The following DIAPH2 variants were observed in gnomAD, a reference collection of about 807,000 sequenced individuals.
The protein encoded by DIAPH2 is protein diaphanous homolog 2.
Under a neutral mutation model 92.7 loss-of-function variants are expected in DIAPH2, and 35 were observed. The observed-to-expected ratio is 0.38, with a 90% confidence interval of 0.29 to 0.50. The LOEUF (loss-of-function observed/expected upper bound fraction) is 0.50, where lower values mean the gene tolerates loss of function less well. DIAPH2 is among the 20% of genes least tolerant of loss of function. The pLI is 0.94. For missense variants in DIAPH2, 701 were observed against 819.5 expected (o/e 0.86, Z 1.77); for synonymous variants, 301 against 280.4 (o/e 1.07, Z -0.73).
At chrX:97,530,448 A>G (rs776361898) in intron 26 of DIAPH2, among the ~76,000 whole-genome samples, 96 of 111,801 alleles carry the variant, frequency 8.6e-4, no homozygotes, top group Middle Eastern at 9.2e-3. Context: ...TATAGACTGA[A>G]CTTTTGAAAG....
At chrX:97,005,046 A>G (rs1188448116) in intron 17 of DIAPH2, among the ~76,000 whole-genome samples, 1 of 112,137 alleles carries the variant, frequency 8.9e-6, no homozygotes, top group Non-Finnish European at 1.9e-5. Flanking sequence ...CCTATTCAGC[A>G]TCAATTGAAA....
Position 97,425,529 on chromosome X carries a change from C to A in DIAPH2, c.3146-4121C>A, listed in dbSNP as rs777923795. 6.3e-5 allele frequency among the ~76,000 whole-genome samples: 7 copies of A among 110,706 alleles called. No homozygotes were observed. The East Asian group carries it at 2.0e-3, about 31-fold the overall frequency. ...GTGGCTCATGCCTGTGATCCTAGCACCTTGGGAGGCTGAGGTTGGCTGATC... is the reference window on the plus strand; with the variant it reads ...GTGGCTCATGCCTGTGATCCTAGCAACTTGGGAGGCTGAGGTTGGCTGATC... On this transcript the variant is annotated intron_variant, in intron 25 of 26. Transcript: ENST00000324765.
chrX:96,872,616 C>T (rs781580145), intron 4 of DIAPH2, among the ~76,000 whole-genome samples: 3 of 108,329 alleles, frequency 2.8e-5, no homozygotes, highest in South Asian at 4.2e-4. Context: ...CTCAGCCTCC[C>T]GAGTATCTGG....
intron 4 of DIAPH2, among the ~76,000 whole-genome samples, chrX:96,796,607 T>G (rs1178955364): frequency 1.8e-5 from 2 of 112,081 alleles, no homozygotes; most frequent in Non-Finnish European, 3.8e-5. Context: ...GCTCTTTGTT[T>G]AGTTTTCAGT....
intron 5 of DIAPH2, chrX:96,884,399 C>A: frequency 8.3e-7 from 1 of 1,209,895 alleles, no homozygotes; most frequent in African/African-American, 1.7e-5. Flanking sequence ...GAGAGAGATG[C>A]AACTCCTGCT....
intron 22 of DIAPH2, among the ~76,000 whole-genome samples, chrX:97,230,076 G>T (rs1443123762): frequency 1.8e-5 from 2 of 109,985 alleles, no homozygotes; most frequent in Non-Finnish European, 3.8e-5. Context: ...AGGAAGAGCT[G>T]TCATCTTGCT....
intron 1 of DIAPH2, among the ~76,000 whole-genome samples, chrX:96,720,406 A>G (rs1295548052): frequency 9.0e-6 from 1 of 111,708 alleles, no homozygotes; most frequent in Non-Finnish European, 1.9e-5. Flanking sequence ...TTTATTACTT[A>G]CACTCGAAGA....
At chrX:97,289,129 G>A (rs148962864) in intron 23 of DIAPH2, among the ~76,000 whole-genome samples, 359 of 111,425 alleles carry the variant, frequency 3.2e-3, no homozygotes, top group Non-Finnish European at 5.6e-3. Context: ...CATTCAGCAA[G>A]GGTACAGAAA....
chrX:96,941,872 T>C, intron 12 of DIAPH2, 146 bp from the exon 13 acceptor site: 1 of 433,577 alleles, frequency 2.3e-6, no homozygotes, highest in Non-Finnish European at 4.1e-6. Context: ...TAGGCATGCT[T>C]GTCCTAAGAA....
At position 97,369,584 on chromosome X, in the gene DIAPH2, TTA is replaced by T. The variant is rs746043167; in HGVS notation, c.3010-14311_3010-14310del. On this transcript the variant is annotated intron_variant, in intron 24 of 26. Transcript: ENST00000324765. ...TCGGTTTCCATTCATTTTTGATGTT[TTA>T]TATATATATATATTTCTCTACATAT... Among the ~76,000 whole-genome samples, 283 of 107,736 alleles carry T rather than the reference TTA, an allele frequency of 2.6e-3. 1 individual carries two copies. Among genetic ancestry groups the T allele is most frequent in the Non-Finnish European group, 4.7e-3 (246 of 51,923 alleles). The allele number at this position is 107,736 out of a possible 115,157, so 93.6% of individuals were successfully genotyped here. A position where few individuals can be genotyped will look rare whatever the true frequency, so the allele number is the denominator to read the frequency against.
intron 17 of DIAPH2, among the ~76,000 whole-genome samples, chrX:97,065,028 C>T (rs2066624713): frequency 9.0e-6 from 1 of 111,200 alleles, no homozygotes; most frequent in Admixed American, 9.6e-5. Flanking sequence ...GATGAATGCC[C>T]AGACTGTATT....
intron 23 of DIAPH2, among the ~76,000 whole-genome samples, chrX:97,270,299 G>A (rs2147583399): frequency 9.0e-6 from 1 of 111,579 alleles, no homozygotes; most frequent in Non-Finnish European, 1.9e-5. Flanking sequence ...CCTGACCTCA[G>A]GTGATCCGCC....
At chrX:97,435,973 A>AT (rs1463896522) in intron 26 of DIAPH2, among the ~76,000 whole-genome samples, 1 of 109,993 alleles carries the variant, frequency 9.1e-6, no homozygotes, top group Non-Finnish European at 1.9e-5. Flanking sequence ...CGCCCGGCTA[A>AT]TTTTTGTATT....
rs1304932165 is a variant in DIAPH2 at position 97,344,361 on chromosome X, G to T, written c.2845-3755G>T. 5.3e-5 allele frequency among the ~76,000 whole-genome samples: 6 copies of T among 112,271 alleles called. No individual in the cohort carries two copies. In the Admixed American group the frequency reaches 5.7e-4, roughly 11 times the overall value. On this transcript the variant is annotated intron_variant, in intron 23 of 26. Coordinates refer to ENST00000324765, the MANE Select transcript of DIAPH2 (RefSeq NM_006729.5). ...GGAGTTCGAGGCTGCAGTGAGCTAT[G>T]ATTGTGCCACTGCACTCCAGCCTGA...
In DIAPH2 at chrX:97,602,490, T is replaced by G. The variant is rs2147892488; in HGVS notation, c.*3173T>G. On this transcript the variant is annotated 3_prime_UTR_variant, in exon 27 of 27. Transcript: ENST00000324765. ...GATAACAGTTACAGACATTTCTGTC[T>G]CAAAAAGGAGAGAATGGAAATTGGA... is the stretch of plus-strand genomic sequence containing the variant. 8.9e-6 allele frequency: 1 copy of G among 112,568 alleles called. No homozygotes were observed. The highest frequency in any genetic ancestry group is 3.2e-5 in the African/African-American group (1 of 31,030). The allele number at this position is 112,568 out of a possible 1,213,427, so 9.3% of individuals were successfully genotyped here.
chrX:96,995,797 T>C (rs1342178548), intron 17 of DIAPH2, among the ~76,000 whole-genome samples: 5 of 109,494 alleles, frequency 4.6e-5, no homozygotes, highest in African/African-American at 1.7e-4. Context: ...GGCAGTAATG[T>C]GTAGAAGATT....
At chrX:97,593,108 T>G (rs1040389840) in intron 26 of DIAPH2, among the ~76,000 whole-genome samples, 3 of 111,725 alleles carry the variant, frequency 2.7e-5, no homozygotes, top group African/African-American at 9.7e-5. Flanking sequence ...TTAAGTTGTT[T>G]TGGGATTATA....
chrX:97,217,280 G>A (rs1043149846), intron 22 of DIAPH2, among the ~76,000 whole-genome samples: 27 of 111,395 alleles, frequency 2.4e-4, no homozygotes, highest in Admixed American at 1.8e-3. Context: ...TCCTTGGGCC[G>A]AATGGGAAAG....
chrX:96,806,646 C>CAAAAAAAAAAAAAAAAA (rs1234663626), intron 4 of DIAPH2, among the ~76,000 whole-genome samples: 1 of 34,435 alleles, frequency 2.9e-5, no homozygotes, highest in Non-Finnish European at 4.4e-5. Flanking sequence ...AACTCCATCT[C>CAAAAAAAAAAAAAAAAA]AAAAAAAAAA....
Sources: allele counts gnomAD v4.1 joint callset (sites outside exome capture counted in the v4.1 genomes callset), GRCh38; gene constraint gnomAD v4.1.1; transcripts MANE v1.5; gene names NCBI Gene and HGNC (gene_info 2026-07-23, HGNC 2026-07-21).